Variants in AMBRA1 observed in about 807,000 individuals in gnomAD.
The protein encoded by AMBRA1 is activating molecule in BECN1-regulated autophagy protein 1.
In AMBRA1, 47 loss-of-function variants were observed where a neutral mutation model predicts 125.4. That is an observed-to-expected ratio of 0.37 (90% CI 0.30 to 0.48). The LOEUF is 0.48. Among genes scored for constraint, AMBRA1 ranks in the 20% least tolerant of loss-of-function variants. The pLI is 0.99. For synonymous variants in AMBRA1, 626 were observed against 655.5 expected, an observed-to-expected ratio of 0.95 and a Z score of 0.69; for missense variants, 1,331 against 1,693.4, an observed-to-expected ratio of 0.79 and a Z score of 3.76.
intron 1 of AMBRA1, among the ~76,000 whole-genome samples, chr11:46,570,454 T>C (rs1458167774): frequency 6.6e-6 from 1 of 152,070 alleles, no homozygotes; most frequent in Non-Finnish European, 1.5e-5. Context: ...ATTACATTCC[T>C]TCTTCAGGTA....
At chr11:46,517,478 T>G (rs1411494225) in intron 7 of AMBRA1, among the ~76,000 whole-genome samples, 4 of 142,400 alleles carry the variant, frequency 2.8e-5, no homozygotes, top group Admixed American at 6.9e-5. Flanking sequence ...AGGTTTTTTT[T>G]TTTTTTTTTT....
chr11:46,591,208 A>T (rs2044583720), intron 1 of AMBRA1: 1 of 152,246 alleles, frequency 6.6e-6, no homozygotes, highest in Admixed American at 6.5e-5. Flanking sequence ...GAACTTATCA[A>T]TTCCCAGTGG....
chr11:46,465,021 C>T (rs1949265929), intron 11 of AMBRA1, among the ~76,000 whole-genome samples: 1 of 151,602 alleles, frequency 6.6e-6, no homozygotes, highest in South Asian at 2.1e-4. Flanking sequence ...TCCAGCCTGG[C>T]GACACAGTGA....
chr11:46,437,809 A>G (rs1055248927), intron 12 of AMBRA1, among the ~76,000 whole-genome samples: 1 of 152,224 alleles, frequency 6.6e-6, no homozygotes, highest in Non-Finnish European at 1.5e-5. Context: ...CAACAATAAT[A>G]TAAGGTAGAG....
rs1952820327 is a variant in AMBRA1, at chr11:46,542,928, G to A, written c.1089C>T (p.Gly363=). ...EQASSTQQDQ[G]LLNRPSAFST... ...TGAAGGCAGACGGCCGGTTCAGGAG[G>A]CCCTGGTCCTGCTGCGTTGACGAGG... The change falls in exon 7 of 18, where the codon GGC becomes GGT. Residue 363 remains glycine (G), a synonymous_variant. Coordinates refer to ENST00000683756, the MANE Select transcript of AMBRA1 (RefSeq NM_001387011.1). The surrounding 1 kb of genome is among the most constrained non-coding windows in gnomAD (Gnocchi z 5.9). 2 of 1,610,736 alleles carry A rather than the reference G, an allele frequency of 1.2e-6. No individual in the cohort carries two copies. The highest frequency in any genetic ancestry group is 2.2e-5 in the East Asian group (1 of 44,890).
intron 12 of AMBRA1, among the ~76,000 whole-genome samples, chr11:46,442,993 A>AGC (rs1369301773): frequency 1.3e-5 from 2 of 152,188 alleles, no homozygotes; most frequent in Non-Finnish European, 2.9e-5. Context: ...AAGTGCTGGG[A>AGC]TTACAGGCGT....
intron 11 of AMBRA1, among the ~76,000 whole-genome samples, chr11:46,455,459 A>G (rs746370719): frequency 2.0e-5 from 3 of 152,220 alleles, no homozygotes; most frequent in African/African-American, 7.2e-5. Flanking sequence ...GAGGAGATGC[A>G]TAACTAGGTA....
intron 12 of AMBRA1, among the ~76,000 whole-genome samples, chr11:46,442,049 C>T (rs960444672): frequency 9.4e-5 from 14 of 149,608 alleles, no homozygotes; most frequent in African/African-American, 3.0e-4. Context: ...TGGCTCACAG[C>T]AGCCTCGACC....
intron 11 of AMBRA1, among the ~76,000 whole-genome samples, chr11:46,452,179 A>C (rs1433009621): frequency 1.3e-5 from 2 of 152,160 alleles, no homozygotes; most frequent in African/African-American, 2.4e-5. Context: ...TGTGAAGTAA[A>C]AAATGGTAAT....
intron 7 of AMBRA1, among the ~76,000 whole-genome samples, chr11:46,516,685 G>A (rs11038909): frequency 2.0e-5 from 3 of 151,852 alleles, no homozygotes; most frequent in Non-Finnish European, 4.4e-5. Flanking sequence ...CGCCCACCTC[G>A]GCCTCCCAAA....
intron 11 of AMBRA1, among the ~76,000 whole-genome samples, chr11:46,466,284 T>A (rs909402577): frequency 2.6e-5 from 4 of 151,050 alleles, no homozygotes; most frequent in African/African-American, 9.8e-5. Context: ...GAGGCGGAGG[T>A]TGCAGTGAGC....
intron 15 of AMBRA1, 97 bp from the exon 16 acceptor site, chr11:46,410,465 GC>G: frequency 9.4e-7 from 1 of 1,064,904 alleles, no homozygotes; most frequent in Non-Finnish European, 1.4e-6. Flanking sequence ...GACTGTGGCT[GC>G]CCATCCTTTC....
intron 7 of AMBRA1, among the ~76,000 whole-genome samples, chr11:46,521,405 C>A (rs1160478205): frequency 1.3e-5 from 2 of 152,250 alleles, no homozygotes; most frequent in Non-Finnish European, 2.9e-5. Context: ...AAAAGAGACC[C>A]CCACAGGGGA....
Position 46,508,356 on chromosome 11 carries a change from G to A in AMBRA1, c.2174C>T (p.Ala725Val), listed in dbSNP as rs1951137424. The part of the protein sequence containing the change: ...YPDPARLSPA[A>V]YYAQRMIQYL... Reference sequence around the variant, plus strand: ...CTGGATCATCCTCTGGGCGTAGTATGCAGCAGGAGATAATCTGAGAGAGAC... The same window carrying A: ...CTGGATCATCCTCTGGGCGTAGTATACAGCAGGAGATAATCTGAGAGAGAC... The change falls in exon 9 of 18, where the codon GCA (alanine) becomes GTA (valine). Residue 725 changes from alanine to valine, a missense_variant. By Grantham distance (64) the Ala-to-Val change is moderately conservative. Around this residue, in one of 4 missense-constraint regions of AMBRA1, gnomAD observed 689 missense variants for 776.5 expected, o/e 0.89. Transcript: ENST00000683756. 1 of 1,614,052 alleles carries A rather than the reference G, an allele frequency of 6.2e-7. No individual in the cohort carries two copies. Among genetic ancestry groups the A allele is most frequent in the South Asian group, 1.1e-5 (1 of 91,076 alleles).
At chr11:46,547,535 G>T in intron 3 of AMBRA1, 1 of 559,998 alleles carries the variant, frequency 1.8e-6, no homozygotes, top group South Asian at 2.8e-5. Context: ...TTTTCCCACT[G>T]GAAAAACCAT....
At chr11:46,464,027 C>CA (rs1269429860) in intron 11 of AMBRA1, among the ~76,000 whole-genome samples, 3 of 152,292 alleles carry the variant, frequency 2.0e-5, no homozygotes, top group Admixed American at 6.5e-5. Flanking sequence ...GCCTAGTAGT[C>CA]AGAGACAGTT....
chr11:46,434,334 A>C (rs1436382445), intron 13 of AMBRA1, among the ~76,000 whole-genome samples: 1 of 151,948 alleles, frequency 6.6e-6, no homozygotes, highest in Non-Finnish European at 1.5e-5. Flanking sequence ...TAAAAAAAAA[A>C]CAAAAAACAC....
chr11:46,467,644 GT>G (rs1453357095), intron 11 of AMBRA1, among the ~76,000 whole-genome samples: 4 of 151,522 alleles, frequency 2.6e-5, no homozygotes, highest in African/African-American at 9.7e-5. Flanking sequence ...TGCCTCCTGG[GT>G]TCAAGCGATT....
chr11:46,517,793 T>C (rs1253689848), intron 7 of AMBRA1, among the ~76,000 whole-genome samples: 1 of 139,768 alleles, frequency 7.2e-6, no homozygotes, highest in Non-Finnish European at 1.5e-5. Flanking sequence ...ATCGCGCCAC[T>C]GCACTCCAGC....
Sources: gnomAD v4.1 joint callset for allele counts (sites outside exome capture counted in the v4.1 genomes callset) on GRCh38, gnomAD v4.1.1 for gene constraint, gnomAD v4.1.1 regional missense constraint, Gnocchi (gnomAD v3.1) non-coding constraint, MANE v1.5 for transcripts, NCBI Gene and HGNC (gene_info 2026-07-23, HGNC 2026-07-21) for gene names.